The following TRABD2B variants were observed in gnomAD, a reference collection of about 807,000 sequenced individuals.
TRABD2B encodes metalloprotease TIKI2.
TRABD2B carries 14 observed loss-of-function variants against 40.1 expected under a neutral mutation model. The ratio of observed to expected loss-of-function variants is 0.35; its 90% confidence interval spans 0.23 to 0.55. The LOEUF (loss-of-function observed/expected upper bound fraction) is 0.55, where lower values mean the gene tolerates loss of function less well. Ranked by LOEUF, TRABD2B falls within the 20% of genes least tolerant of loss-of-function variation. The pLI, the probability that TRABD2B is intolerant of heterozygous loss-of-function variation, is 0.90. For synonymous variants in TRABD2B, 263 were observed against 277.0 expected (o/e 0.95, Z 0.50); for missense variants, 541 against 648.6 (o/e 0.83, Z 1.80).
chr1:47,908,955 G>A (rs538789245), intron 2 of TRABD2B, among the ~76,000 whole-genome samples: 2 of 152,220 alleles, frequency 1.3e-5, no homozygotes, highest in African/African-American at 2.4e-5. Context: ...GCTGACAAGG[G>A]CTGGACATCA....
intron 6 of TRABD2B, among the ~76,000 whole-genome samples, chr1:47,771,528 C>G (rs2124006980): frequency 6.6e-6 from 1 of 152,378 alleles, no homozygotes; most frequent in African/African-American, 2.4e-5. Context: ...CCCATGTCAG[C>G]TGTGGACTTG....
intron 2 of TRABD2B, among the ~76,000 whole-genome samples, chr1:47,911,688 C>T (rs1429835934): frequency 1.3e-5 from 2 of 152,222 alleles, no homozygotes; most frequent in African/African-American, 4.8e-5. Context: ...AGCTCCAGAG[C>T]GCAGGCCCTC....
chr1:47,987,448 A>G (rs569192087), intron 2 of TRABD2B, among the ~76,000 whole-genome samples: 1 of 152,230 alleles, frequency 6.6e-6, no homozygotes, highest in South Asian at 2.1e-4. Flanking sequence ...AGATTCTCTG[A>G]GCCTAGAAGT....
At chr1:47,812,730 C>CAAAG (rs944961904) in intron 2 of TRABD2B, among the ~76,000 whole-genome samples, 1 of 152,026 alleles carries the variant, frequency 6.6e-6, no homozygotes, top group Non-Finnish European at 1.5e-5. Flanking sequence ...AAAGAAAAAA[C>CAAAG]AAAGAAAGAA....
intron 2 of TRABD2B, among the ~76,000 whole-genome samples, chr1:47,882,106 G>A (rs370063116): frequency 1.2e-3 from 184 of 152,364 alleles, no homozygotes; most frequent in African/African-American, 3.9e-3. Flanking sequence ...GGCAGGCTGC[G>A]CTGCTGGGGG....
Position 47,894,815 on chromosome 1 carries a change from C to T in TRABD2B, c.667-93196G>A, listed in dbSNP as rs575662753. Among the ~76,000 whole-genome samples, 5 of 152,226 alleles carry T rather than the reference C, an allele frequency of 3.3e-5. No homozygotes were observed. In the East Asian group the frequency reaches 7.7e-4, roughly 24 times the overall value. ...TCCTTCCACAAAGAATCTGGGGCAC[C>T]GTGACACATGCTCTGCAACATGTGC... On this transcript the variant is annotated intron_variant, in intron 2 of 6. Coordinates refer to ENST00000606738, the MANE Select transcript of TRABD2B (RefSeq NM_001194986.2).
At chr1:47,787,568 T>A (rs1018876365) in intron 4 of TRABD2B, among the ~76,000 whole-genome samples, 2 of 152,184 alleles carry the variant, frequency 1.3e-5, no homozygotes, top group Non-Finnish European at 1.5e-5. Flanking sequence ...TGTGATTGCA[T>A]GGTTTACTCA....
intron 2 of TRABD2B, among the ~76,000 whole-genome samples, chr1:47,992,946 C>A (rs1284100755): frequency 6.6e-6 from 1 of 152,232 alleles, no homozygotes; most frequent in Non-Finnish European, 1.5e-5. Flanking sequence ...ATTGCATTTC[C>A]CTTGGAAAAA....
At chr1:47,914,672 G>T (rs954728773) in intron 2 of TRABD2B, among the ~76,000 whole-genome samples, 1 of 152,174 alleles carries the variant, frequency 6.6e-6, no homozygotes, top group African/African-American at 2.4e-5. Context: ...CAAATCTTCC[G>T]GGGTGTCTGG....
chr1:47,952,610 C>A (rs1248191980), intron 2 of TRABD2B, among the ~76,000 whole-genome samples: 1 of 152,190 alleles, frequency 6.6e-6, no homozygotes, highest in African/African-American at 2.4e-5. Flanking sequence ...GCACACCTCT[C>A]CCTCTGTCTC....
Position 47,997,094 on chromosome 1 carries a change from G to C in TRABD2B, c.-305C>G. On this transcript the variant is annotated 5_prime_UTR_variant, in exon 1 of 7. Coordinates refer to ENST00000606738, the MANE Select transcript of TRABD2B (RefSeq NM_001194986.2). ...GTCCGGGGGCGCGCGGGGTCCCGGA[G>C]CTGCGTCGCGGTCCAGGGGCGCGCG... 3 of 983,816 alleles carry C rather than the reference G, an allele frequency of 3.0e-6. No homozygotes were observed. The highest frequency in any genetic ancestry group is 3.6e-6 in the Non-Finnish European group (3 of 828,958). The allele number at this position is 983,816 out of a possible 1,614,324, so 60.9% of individuals were successfully genotyped here. A position where few individuals can be genotyped will look rare whatever the true frequency, so the allele number is the denominator to read the frequency against.
chr1:47,893,773 C>T (rs1482682683), intron 2 of TRABD2B, among the ~76,000 whole-genome samples: 1 of 152,124 alleles, frequency 6.6e-6, no homozygotes, highest in Non-Finnish European at 1.5e-5. Flanking sequence ...GTTCCCTGCC[C>T]ACAAATCAAC....
chr1:47,903,136 C>T (rs568890837), intron 2 of TRABD2B, among the ~76,000 whole-genome samples: 26 of 152,280 alleles, frequency 1.7e-4, no homozygotes, highest in African/African-American at 6.0e-4. Flanking sequence ...GGTCATGGCA[C>T]TCACTGTGCA....
At chr1:47,866,556 C>T (rs1644060813) in intron 2 of TRABD2B, among the ~76,000 whole-genome samples, 1 of 152,186 alleles carries the variant, frequency 6.6e-6, no homozygotes, top group Non-Finnish European at 1.5e-5. Context: ...AGTGCCCAGC[C>T]AGGGCAGCGC....
chr1:47,768,633 G>A (rs1200844553), intron 6 of TRABD2B, among the ~76,000 whole-genome samples: 1 of 152,160 alleles, frequency 6.6e-6, no homozygotes, highest in African/African-American at 2.4e-5. Flanking sequence ...TGACCTCTCT[G>A]TGTTGTAGGT....
chr1:47,875,052 C>T (rs962542467), intron 2 of TRABD2B, among the ~76,000 whole-genome samples: 2 of 151,982 alleles, frequency 1.3e-5, no homozygotes, highest in East Asian at 1.9e-4. Context: ...AAGGATGTAG[C>T]GCTTTCACCC....
intron 2 of TRABD2B, among the ~76,000 whole-genome samples, chr1:47,884,145 T>C (rs1457088519): frequency 6.6e-6 from 1 of 152,244 alleles, no homozygotes; most frequent in Non-Finnish European, 1.5e-5. Context: ...ATAAATAGTC[T>C]GGTTCTGCAA....
At chr1:47,880,374 C>A (rs1164505301) in intron 2 of TRABD2B, among the ~76,000 whole-genome samples, 1 of 152,150 alleles carries the variant, frequency 6.6e-6, no homozygotes, top group Non-Finnish European at 1.5e-5. Flanking sequence ...TGATCATCAA[C>A]CAATCGATCA....
intron 2 of TRABD2B, among the ~76,000 whole-genome samples, chr1:47,933,250 C>T (rs1645063488): frequency 6.6e-6 from 1 of 151,864 alleles, no homozygotes; most frequent in Non-Finnish European, 1.5e-5. Context: ...GGACTATAGG[C>T]ACCCGCCACC....
Sources: allele counts gnomAD v4.1 joint callset (sites outside exome capture counted in the v4.1 genomes callset), GRCh38; gene constraint gnomAD v4.1.1; transcripts MANE v1.5; gene names NCBI Gene and HGNC (gene_info 2026-07-23, HGNC 2026-07-21).